The following LRP1B variants were observed in gnomAD, a reference collection of about 807,000 sequenced individuals.
LRP1B encodes low-density lipoprotein receptor-related protein 1B.
A neutral mutation model predicts 556.6 loss-of-function variants in LRP1B; 217 were observed. The ratio of observed to expected loss-of-function variants is 0.39; its 90% confidence interval spans 0.35 to 0.44. The LOEUF (loss-of-function observed/expected upper bound fraction) is 0.44, where lower values mean the gene tolerates loss of function less well. LRP1B is among the 20% of genes least tolerant of loss of function. The pLI is 1.00. For synonymous variants in LRP1B, 2,047 were observed against 1,865.8 expected (o/e 1.10, Z -2.50); for missense variants, 5,053 against 5,620.8 (o/e 0.90, Z 3.23).
chr2:141,982,739 A>C (rs1021765774), intron 1 of LRP1B, among the ~76,000 whole-genome samples: 1 of 152,230 alleles, frequency 6.6e-6, no homozygotes, highest in Non-Finnish European at 1.5e-5. Context: ...TTAGTTATTC[A>C]CATAACAGGA....
intron 18 of LRP1B, among the ~76,000 whole-genome samples, chr2:140,954,467 C>G (rs940002378): frequency 6.6e-6 from 1 of 151,878 alleles, no homozygotes; most frequent in African/African-American, 2.4e-5. Context: ...GCATATTAAT[C>G]AATATTCTAA....
At chr2:141,114,156 C>T (rs1334780586) in intron 7 of LRP1B, among the ~76,000 whole-genome samples, 1 of 152,242 alleles carries the variant, frequency 6.6e-6, no homozygotes, top group African/African-American at 2.4e-5. Flanking sequence ...AGAGGGGGCA[C>T]ACAGGCAGGC....
chr2:141,207,178 A>G (rs1453256067), intron 6 of LRP1B, among the ~76,000 whole-genome samples: 1 of 152,208 alleles, frequency 6.6e-6, no homozygotes, highest in African/African-American at 2.4e-5. Flanking sequence ...TTTTAAGAGC[A>G]TGCTATATTA....
At chr2:140,493,132 A>T (rs1405884218) in intron 56 of LRP1B, among the ~76,000 whole-genome samples, 1 of 152,182 alleles carries the variant, frequency 6.6e-6, no homozygotes, top group Non-Finnish European at 1.5e-5. Context: ...AGTGAAGACC[A>T]AGAGTATCAC....
At chr2:140,912,091 G>C (rs1694436349) in intron 21 of LRP1B, among the ~76,000 whole-genome samples, 1 of 151,626 alleles carries the variant, frequency 6.6e-6, no homozygotes, top group Non-Finnish European at 1.5e-5. Flanking sequence ...TGATTTTTTA[G>C]GGGCTGTTTG....
At chr2:141,785,082 C>T (rs1196853437) in intron 2 of LRP1B, among the ~76,000 whole-genome samples, 1 of 151,866 alleles carries the variant, frequency 6.6e-6, no homozygotes, top group Admixed American at 6.6e-5. Flanking sequence ...GGAAAAAAAC[C>T]TTTCTCAGCA....
chr2:141,223,439 TG>T (rs1683121861), intron 6 of LRP1B, among the ~76,000 whole-genome samples: 1 of 152,206 alleles, frequency 6.6e-6, no homozygotes, highest in East Asian at 1.9e-4. Context: ...ATCAATATTA[TG>T]AAAATGGCCA....
At chr2:141,301,878 A>G (rs903008055) in intron 3 of LRP1B, among the ~76,000 whole-genome samples, 1 of 152,166 alleles carries the variant, frequency 6.6e-6, no homozygotes, top group Non-Finnish European at 1.5e-5. Context: ...GCCTAAAAAA[A>G]CAGACCATTG....
chr2:141,313,451 C>G (rs1043721295), intron 3 of LRP1B, among the ~76,000 whole-genome samples: 9 of 152,010 alleles, frequency 5.9e-5, no homozygotes, highest in Admixed American at 4.6e-4. Flanking sequence ...AAAATGGAGA[C>G]ATTTTTAGAA....
intron 41 of LRP1B, among the ~76,000 whole-genome samples, chr2:140,665,539 C>T (rs1173059505): frequency 6.6e-6 from 1 of 151,918 alleles, no homozygotes; most frequent in Non-Finnish European, 1.5e-5. Context: ...TCCCTTTTTT[C>T]CATAGCCTAT....
At chr2:140,822,402 C>T (rs971751774) in intron 31 of LRP1B, among the ~76,000 whole-genome samples, 14 of 152,146 alleles carry the variant, frequency 9.2e-5, no homozygotes, top group African/African-American at 2.7e-4. Context: ...CCAAGTTGAG[C>T]ATTTTCATAT....
In LRP1B at chr2:140,849,200, CAAA is replaced by C. The variant is rs70988447; in HGVS notation, c.4939+899_4939+901del. ...TGAAACCCTGTATCTACTAAAAATA[CAAA>C]AAAAAAAAAAAAAAAAAAAAATAGC... is the stretch of plus-strand genomic sequence containing the variant. On this transcript the variant is annotated intron_variant, in intron 29 of 90. Coordinates refer to ENST00000389484, the MANE Select transcript of LRP1B (RefSeq NM_018557.3). 4.3e-3 allele frequency among the ~76,000 whole-genome samples: 428 copies of C among 100,504 alleles called. 2 individuals are homozygous for C. The highest frequency in any genetic ancestry group is 0.016 in the African/African-American group (396 of 24,142). 65.9% of individuals were successfully genotyped at this position (100,504 alleles called of 152,430 possible).
chr2:141,961,489 C>T (rs1027192122), intron 1 of LRP1B, among the ~76,000 whole-genome samples: 11 of 151,792 alleles, frequency 7.2e-5, no homozygotes, highest in African/African-American at 2.2e-4. Context: ...GTATCTCTTA[C>T]ACACCTTTGA....
intron 2 of LRP1B, among the ~76,000 whole-genome samples, chr2:141,694,429 C>T (rs150757523): frequency 3.1e-4 from 47 of 152,134 alleles, no homozygotes; most frequent in Middle Eastern, 3.4e-3. Flanking sequence ...GCATAATGTG[C>T]CAAGCTCTGT....
At chr2:141,508,811 C>G (rs1032380743) in intron 2 of LRP1B, among the ~76,000 whole-genome samples, 1 of 152,144 alleles carries the variant, frequency 6.6e-6, no homozygotes, top group African/African-American at 2.4e-5. Flanking sequence ...ATGCATCTTC[C>G]TAACCATTAC....
chr2:141,135,893 A>G (rs1308384103), intron 7 of LRP1B, among the ~76,000 whole-genome samples: 1 of 151,900 alleles, frequency 6.6e-6, no homozygotes, highest in Non-Finnish European at 1.5e-5. Context: ...GCAAAATATA[A>G]TTAAGGCAAG....
chr2:140,359,039 A>G, intron 72 of LRP1B, 93 bp from the exon 73 acceptor site: 1 of 1,260,522 alleles, frequency 7.9e-7, no homozygotes, highest in Non-Finnish European at 1.1e-6. Flanking sequence ...TTTCAAATCC[A>G]TAAGCTAGCT....
intron 1 of LRP1B, among the ~76,000 whole-genome samples, chr2:141,886,970 T>C (rs796836495): frequency 2.1e-5 from 1 of 48,276 alleles, no homozygotes; most frequent in Non-Finnish European, 3.9e-5. Context: ...TTTTCTTTTT[T>C]TTTTTTTTTG....
At chr2:141,242,645 G>C (rs964243384) in intron 5 of LRP1B, among the ~76,000 whole-genome samples, 2 of 151,914 alleles carry the variant, frequency 1.3e-5, no homozygotes, top group Admixed American at 6.6e-5. Flanking sequence ...ATTACTCCGC[G>C]GCAAAGAGGT....
Sources: allele counts gnomAD v4.1 joint callset (sites outside exome capture counted in the v4.1 genomes callset), GRCh38; gene constraint gnomAD v4.1.1; transcripts MANE v1.5; gene names NCBI Gene and HGNC (gene_info 2026-07-23, HGNC 2026-07-21).